SGCZ: variants seen among roughly 807,000 people sequenced by gnomAD.
SGCZ encodes zeta-sarcoglycan.
Under a neutral mutation model 41.3 loss-of-function variants are expected in SGCZ, and 40 were observed. The observed-to-expected ratio is 0.97, with a 90% CI of 0.75 to 1.26. The LOEUF (loss-of-function observed/expected upper bound fraction) is 1.26. Among genes scored for constraint, SGCZ ranks in the 50% most tolerant of loss-of-function variants. The pLI is 0.00. For missense variants in SGCZ, 552 were observed against 369.8 expected, an observed-to-expected ratio of 1.49 and a Z score of -4.04; for synonymous variants, 206 against 137.5, an observed-to-expected ratio of 1.50 and a Z score of -3.49.
At chr8:15,082,725 T>G (rs1434473650) in intron 1 of SGCZ, among the ~76,000 whole-genome samples, 2 of 152,132 alleles carry the variant, frequency 1.3e-5, no homozygotes. Context: ...TACTTTGAGG[T>G]TGTTTTCCTT....
chr8:14,824,641 G>C (rs1047118397), intron 1 of SGCZ, among the ~76,000 whole-genome samples: 44 of 151,952 alleles, frequency 2.9e-4, no homozygotes, highest in African/African-American at 1.0e-3. Flanking sequence ...CATCCTGCTT[G>C]ACTAACAAAA....
intron 2 of SGCZ, among the ~76,000 whole-genome samples, chr8:14,463,233 T>C (rs1030821944): frequency 1.3e-5 from 2 of 151,324 alleles, no homozygotes; most frequent in Non-Finnish European, 3.0e-5. Flanking sequence ...TGGAATCTCA[T>C]GAGAGCTCAA....
At chr8:14,432,299 A>G (rs989305842) in intron 2 of SGCZ, among the ~76,000 whole-genome samples, 2 of 152,170 alleles carry the variant, frequency 1.3e-5, no homozygotes, top group Non-Finnish European at 2.9e-5. Flanking sequence ...CGATCAACAA[A>G]TAGATAAAGA....
chr8:14,261,607 G>T (rs1460503159), intron 3 of SGCZ, among the ~76,000 whole-genome samples: 1 of 152,128 alleles, frequency 6.6e-6, no homozygotes, highest in African/African-American at 2.4e-5. Context: ...TTTGAGCTAA[G>T]TGGATGTTTA....
chr8:15,021,818 C>T (rs557830169), intron 1 of SGCZ, among the ~76,000 whole-genome samples: 1 of 152,266 alleles, frequency 6.6e-6, no homozygotes, highest in Admixed American at 6.5e-5. Flanking sequence ...TAAAAATTAG[C>T]ATTGATGTCT....
chr8:14,415,891 A>G (rs1381418), intron 2 of SGCZ, among the ~76,000 whole-genome samples: 103,619 of 151,746 alleles, frequency 0.68, 35,489 homozygotes, highest in East Asian at 0.83. Flanking sequence ...CTGGTTAACA[A>G]AACTTCATCT....
rs1357625699 is a variant in SGCZ, at chr8:14,656,581, T to C, written c.40-101655A>G. Among the ~76,000 whole-genome samples the C allele has an allele frequency of 2.2e-5, 3 of 139,002 alleles. No individual in the cohort carries two copies. The East Asian group carries it at 6.2e-4, about 29-fold the overall frequency. 91.2% of individuals were successfully genotyped at this position (139,002 alleles called of 152,430 possible). On this transcript the variant is annotated intron_variant, in intron 1 of 7. Transcript: ENST00000382080. Reference sequence around the variant, plus strand: ...TCTTTCTTTTCCTTCCCTGCTTCTTTTCTTCTCTTCTCTCCTCTCCTCTCC... The same window carrying C: ...TCTTTCTTTTCCTTCCCTGCTTCTTCTCTTCTCTTCTCTCCTCTCCTCTCC...
intron 1 of SGCZ, among the ~76,000 whole-genome samples, chr8:14,598,062 C>A (rs1023533186): frequency 4.0e-4 from 61 of 152,074 alleles, no homozygotes; most frequent in African/African-American, 1.4e-3. Context: ...TATGAGTATA[C>A]TTATTTTTTC....
intron 2 of SGCZ, among the ~76,000 whole-genome samples, chr8:14,494,002 G>C (rs539998584): frequency 6.6e-6 from 1 of 152,130 alleles, no homozygotes; most frequent in African/African-American, 2.4e-5. Flanking sequence ...TCTGTCACAA[G>C]TGGAAGGACA....
chr8:15,137,811 C>G (rs1267709227), intron 1 of SGCZ, among the ~76,000 whole-genome samples: 3 of 152,214 alleles, frequency 2.0e-5, no homozygotes, highest in Admixed American at 6.5e-5. Flanking sequence ...AGAACCTCTG[C>G]TAGGACAGCA....
intron 1 of SGCZ, among the ~76,000 whole-genome samples, chr8:14,623,945 T>C (rs557069432): frequency 1.1e-3 from 162 of 152,322 alleles, no homozygotes; most frequent in Middle Eastern, 0.01. Context: ...GTTAGGACAC[T>C]GAAATTTTGT....
intron 1 of SGCZ, among the ~76,000 whole-genome samples, chr8:14,598,121 T>TA (rs1228372363): frequency 1.3e-5 from 2 of 152,182 alleles, no homozygotes; most frequent in Non-Finnish European, 2.9e-5. Context: ...CCACCTCAGA[T>TA]AAAATGATTA....
intron 1 of SGCZ, among the ~76,000 whole-genome samples, chr8:14,593,638 G>C (rs1381243642): frequency 6.6e-6 from 1 of 151,964 alleles, no homozygotes; most frequent in Non-Finnish European, 1.5e-5. Flanking sequence ...CCTTGTATGT[G>C]AAAGAAAGAA....
intron 3 of SGCZ, among the ~76,000 whole-genome samples, chr8:14,258,149 T>C (rs781128229): frequency 1.3e-5 from 2 of 152,196 alleles, no homozygotes; most frequent in Non-Finnish European, 2.9e-5. Flanking sequence ...AAGTATTATA[T>C]GCTAAAAGAG....
chr8:15,185,254 C>A (rs934942094), intron 1 of SGCZ, among the ~76,000 whole-genome samples: 6 of 152,168 alleles, frequency 3.9e-5, no homozygotes, highest in African/African-American at 1.4e-4. Flanking sequence ...CTGAAAATTT[C>A]CACTGAAGAA....
intron 1 of SGCZ, among the ~76,000 whole-genome samples, chr8:14,758,929 A>G (rs1221250119): frequency 6.6e-6 from 1 of 151,076 alleles, no homozygotes; most frequent in Non-Finnish European, 1.5e-5. Context: ...AATCAGTTGA[A>G]CCCAGGAGGC....
intron 1 of SGCZ, among the ~76,000 whole-genome samples, chr8:14,622,392 G>C (rs540916779): frequency 8.5e-5 from 13 of 152,224 alleles, no homozygotes; most frequent in African/African-American, 2.9e-4. Flanking sequence ...ATCTGGCCCA[G>C]AGTTTGAAAA....
intron 1 of SGCZ, among the ~76,000 whole-genome samples, chr8:14,759,390 C>T (rs186032191): frequency 6.6e-6 from 1 of 152,134 alleles, no homozygotes; most frequent in Admixed American, 6.5e-5. Flanking sequence ...TTTTCTCAAA[C>T]TTTAATTCTT....
At chr8:14,416,970 G>A (rs931699551) in intron 2 of SGCZ, among the ~76,000 whole-genome samples, 2 of 151,838 alleles carry the variant, frequency 1.3e-5, no homozygotes, top group African/African-American at 4.8e-5. Context: ...ACATAAGGCA[G>A]GGTTATGTGA....
Sources: allele counts gnomAD v4.1 joint callset (sites outside exome capture counted in the v4.1 genomes callset), GRCh38; gene constraint gnomAD v4.1.1; transcripts MANE v1.5; gene names NCBI Gene and HGNC (gene_info 2026-07-23, HGNC 2026-07-21).